KPNA7: variants seen among roughly 807,000 people sequenced by gnomAD.
KPNA7 encodes karyopherin subunit alpha 7, also known as importin subunit alpha-8.
A neutral mutation model predicts 53.7 loss-of-function variants in KPNA7; 54 were observed. The ratio of observed to expected loss-of-function variants is 1.01; its 90% confidence interval spans 0.81 to 1.26. The LOEUF (loss-of-function observed/expected upper bound fraction) is 1.26, where lower values mean the gene tolerates loss of function less well. Ranked by LOEUF, KPNA7 falls within the 50% of genes most tolerant of loss-of-function variation. The pLI is 0.00. For missense variants in KPNA7, 640 were observed against 644.5 expected, an observed-to-expected ratio of 0.99 and a Z score of 0.07; for synonymous variants, 276 against 259.3, an observed-to-expected ratio of 1.06 and a Z score of -0.62.
At chr7:99,165,119 C>T in the KPNA7 span, among the ~76,000 whole-genome samples, 2,112 of 152,036 alleles carry the variant, frequency 0.014, 38 homozygotes, top group African/African-American at 0.041. Flanking sequence ...CCAGCCTGGG[C>T]GACAGAACAC....
upstream of KPNA7, among the ~76,000 whole-genome samples, chr7:99,209,057 C>G (rs1235596327): frequency 6.6e-6 from 1 of 152,110 alleles, no homozygotes; most frequent in Non-Finnish European, 1.5e-5. Context: ...GAGGCTGAAG[C>G]AGGAGGATCA....
chr7:99,173,839 A>G (rs10499948), intron 10 of KPNA7, 45 bp from the exon 11 acceptor site: 48,343 of 1,152,738 alleles, frequency 0.042, 1,623 homozygotes, highest in East Asian at 0.17. Flanking sequence ...GATTCTCAGC[A>G]CATTATCACT....
At chr7:99,183,547 G>C (rs538083317) in intron 8 of KPNA7, among the ~76,000 whole-genome samples, 3 of 152,256 alleles carry the variant, frequency 2.0e-5, no homozygotes, top group Admixed American at 6.5e-5. Flanking sequence ...CACAAGTACT[G>C]AACAGATTGG....
chr7:99,203,074 GC>G, intron 3 of KPNA7, 31 bp downstream of exon 3: 2 of 1,543,418 alleles, frequency 1.3e-6, no homozygotes, highest in Non-Finnish European at 1.8e-6. Context: ...AACATATTTT[GC>G]CCAAGACTAC....
At chr7:99,163,359 G>GTGTA in the KPNA7 span, among the ~76,000 whole-genome samples, 7 of 66,418 alleles carry the variant, frequency 1.1e-4, no homozygotes, top group African/African-American at 3.0e-4. Context: ...ATGAGTGTGT[G>GTGTA]TATATATATA....
In KPNA7 at chr7:99,173,692, G is replaced by T; in HGVS notation, c.*16C>A. 6.6e-7 allele frequency: 1 copy of T among 1,515,230 alleles called. No homozygotes were observed. The highest frequency in any genetic ancestry group is 9.0e-7 in the Non-Finnish European group (1 of 1,114,088). The allele number at this position is 1,515,230 out of a possible 1,614,324, so 93.9% of individuals were successfully genotyped here. ...CTTTAGCACTGGGTTGTTGGTTTAG[G>T]AGGTAGGGAGCTTGGCTATTTTTTT... On this transcript the variant is annotated 3_prime_UTR_variant, in exon 11 of 11. Transcript: ENST00000327442.
At chr7:99,165,154 AAAAT>A in the KPNA7 span, among the ~76,000 whole-genome samples, 9 of 152,084 alleles carry the variant, frequency 5.9e-5, no homozygotes, top group African/African-American at 2.2e-4. Context: ...AAATAAAAAT[AAAAT>A]AAAATCTGCA....
At chr7:99,189,581 T>C (rs545019939) in intron 6 of KPNA7, among the ~76,000 whole-genome samples, 2 of 152,240 alleles carry the variant, frequency 1.3e-5, no homozygotes, top group South Asian at 4.1e-4. Flanking sequence ...CAGAGAGGCA[T>C]CTATATTCAC....
chr7:99,214,434 C>T (rs1791153826), intron 1 of KPNA7, among the ~76,000 whole-genome samples: 1 of 148,732 alleles, frequency 6.7e-6, no homozygotes, highest in Non-Finnish European at 1.5e-5. Flanking sequence ...CAGAGCAAGA[C>T]CCTATCTCAA....
At chr7:99,158,561 T>C in the KPNA7 span, among the ~76,000 whole-genome samples, 1 of 152,106 alleles carries the variant, frequency 6.6e-6, no homozygotes, top group Non-Finnish European at 1.5e-5. Context: ...TGGAGTGCAG[T>C]GGCACGATCT....
rs183411886 is a variant in KPNA7 at position 99,213,374 on chromosome 7, G to A, written c.-23-5885C>T. Among the ~76,000 whole-genome samples the A allele has an allele frequency of 2.6e-3, 362 of 141,236 alleles. 1 individual carries two copies. The highest frequency in any genetic ancestry group is 9.0e-3 in the African/African-American group (344 of 38,162). 92.7% of individuals were successfully genotyped at this position (141,236 alleles called of 152,430 possible). A position where few individuals can be genotyped will look rare whatever the true frequency, so the allele number is the denominator to read the frequency against. ...CAAACTCTTGACCTCATGATCCACC[G>A]TCTTGGCCTCCCAAAGTGCTAGGAT... On this transcript the variant is annotated intron_variant, in intron 1 of 10. Coordinates refer to the KPNA7 transcript ENST00000681060.
At chr7:99,180,705 G>GTC (rs373720296) in intron 9 of KPNA7, among the ~76,000 whole-genome samples, 26,518 of 60,540 alleles carry the variant, frequency 0.44, 8,236 homozygotes, top group East Asian at 0.63. Flanking sequence ...CTCTGTCTGT[G>GTC]TCTCTCTCTC....
intron 10 of KPNA7, among the ~76,000 whole-genome samples, chr7:99,175,397 C>G (rs980531358): frequency 6.6e-6 from 1 of 151,278 alleles, no homozygotes; most frequent in South Asian, 2.1e-4. Context: ...AGGCTGGTCT[C>G]GGAGCTCCTG....
In KPNA7 at chr7:99,188,424, G is replaced by A. The variant is rs979406068; in HGVS notation, c.776C>T (p.Ser259Leu). The change falls in exon 7 of 11, where the codon TCG becomes TTG. Residue 259 changes from serine (S) to leucine (L), a missense_variant. Ser to Leu is a moderately radical substitution (Grantham distance 145). Transcript: ENST00000327442. Reference protein sequence around the residue: ...LLQHQDSEVLSDACWALSYLT... With the variant: ...LLQHQDSEVLLDACWALSYLT... ...GTAGGACAGTGCCCAGCAGGCATCC[G>A]AGAGAACCTCACTGTCCTGGTGCTG... The A allele has an allele frequency of 1.5e-5, 23 of 1,551,544 alleles. No homozygotes were observed. The Admixed American group carries it at 2.9e-4, about 20-fold the overall frequency.
At chr7:99,153,324 G>C in the KPNA7 span, among the ~76,000 whole-genome samples, 1 of 151,590 alleles carries the variant, frequency 6.6e-6, no homozygotes, top group Non-Finnish European at 1.5e-5. Context: ...TTAAGAGGCC[G>C]AGGCGGACAG....
the KPNA7 span, among the ~76,000 whole-genome samples, chr7:99,163,385 T>TTA: frequency 7.4e-5 from 5 of 67,320 alleles, no homozygotes; most frequent in East Asian, 1.6e-3. Flanking sequence ...ATATATATAT[T>TTA]TTTTTTTTTT....
chr7:99,216,235 C>T lies in KPNA7; in HGVS notation c.-23-8746G>A, dbSNP rs568497287. ...GAAAGACAGGTGTCTTGCTACATTG[C>T]CCAGGCTTGTCTCGAAGTCCTGGGC... On this transcript the variant is annotated intron_variant, in intron 1 of 10. Coordinates refer to the KPNA7 transcript ENST00000681060. 2.6e-5 allele frequency among the ~76,000 whole-genome samples: 4 copies of T among 152,156 alleles called. No homozygotes were observed. In the South Asian group the frequency reaches 8.3e-4, roughly 32 times the overall value.
the KPNA7 span, among the ~76,000 whole-genome samples, chr7:99,148,405 T>C: frequency 3.3e-5 from 5 of 152,250 alleles, no homozygotes; most frequent in African/African-American, 1.2e-4. Flanking sequence ...CTGACTGCAG[T>C]AGTTCTTAAC....
At chr7:99,161,222 ACTCTCTCTCTCTCTCTCTCTCTCTCT>A in the KPNA7 span, among the ~76,000 whole-genome samples, 108,962 of 147,842 alleles carry the variant, frequency 0.74, 41,250 homozygotes, top group Non-Finnish European at 0.84. Context: ...ATGTACACAA[ACTCTCTCTCTCTCTCTCTCTCTCTCT>A]CTCTCTCTCT....
Sources: allele counts gnomAD v4.1 joint callset (sites outside exome capture counted in the v4.1 genomes callset), GRCh38; gene constraint gnomAD v4.1.1; transcripts MANE v1.5; gene names NCBI Gene and HGNC (gene_info 2026-07-23, HGNC 2026-07-21).